The following ENOSF1 variants were observed in gnomAD, a reference collection of about 807,000 sequenced individuals.
ENOSF1 encodes mitochondrial enolase superfamily member 1.
In ENOSF1, 73 loss-of-function variants were observed where a neutral mutation model predicts 68.2. That is an observed-to-expected ratio of 1.07 (90% CI 0.89 to 1.30). The LOEUF is 1.30. ENOSF1 is among the 50% of genes most tolerant of loss of function. The pLI, the probability that ENOSF1 is intolerant of heterozygous loss-of-function variation, is 0.00. For missense variants in ENOSF1, 589 were observed against 554.5 expected (o/e 1.06, Z -0.62); for synonymous variants, 223 against 210.4 (o/e 1.06, Z -0.52).
At chr18:669,861 C>T (rs2074952714), downstream of ENOSF1, among the ~76,000 whole-genome samples, 1 of 151,718 alleles carries the variant, frequency 6.6e-6, no homozygotes, top group Admixed American at 6.6e-5. Context: ...ACTCCAGAGG[C>T]CAAGGCGAGA....
At chr18:666,894 T>G (rs2074826480), downstream of ENOSF1, among the ~76,000 whole-genome samples, 7 of 51,332 alleles carry the variant, frequency 1.4e-4, 1 homozygote, top group African/African-American at 4.0e-4. Context: ...GTTCGGGAGA[T>G]GGTGATGGAG....
intron 8 of ENOSF1, 43 bp from the exon 9 acceptor site, chr18:688,651 T>G (rs2076859882): frequency 6.3e-7 from 1 of 1,579,350 alleles, no homozygotes; most frequent in Non-Finnish European, 8.7e-7. Context: ...AGAGAGCCCC[T>G]TGGTCTGACC....
At chr18:695,892 C>T (rs1050663662) in intron 3 of ENOSF1, among the ~76,000 whole-genome samples, 1 of 152,166 alleles carries the variant, frequency 6.6e-6, no homozygotes, top group African/African-American at 2.4e-5. Context: ...GTTTAATATT[C>T]TCTGTATAAA....
chr18:678,207 A>C, intron 12 of ENOSF1: 1 of 303,074 alleles, frequency 3.3e-6, no homozygotes. Flanking sequence ...AGTGATGAGC[A>C]GGTGGCACAG....
chr18:664,524 A>T, the ENOSF1 span, among the ~76,000 whole-genome samples: 7 of 136,408 alleles, frequency 5.1e-5, 1 homozygote, highest in South Asian at 1.5e-3. Context: ...TCTCCTGCCT[A>T]ATTGCCCTGG....
intron 14 of ENOSF1, among the ~76,000 whole-genome samples, chr18:676,518 T>C (rs12959009): frequency 0.34 from 52,448 of 152,042 alleles, 9,404 homozygotes; most frequent in Middle Eastern, 0.47. Context: ...TCACCTTCCA[T>C]CATGATTGTA....
At chr18:681,389 G>C (rs950592202) in intron 11 of ENOSF1, among the ~76,000 whole-genome samples, 1 of 152,158 alleles carries the variant, frequency 6.6e-6, no homozygotes, top group Non-Finnish European at 1.5e-5. Context: ...GCAAAACCTG[G>C]GAGGGTTAGA....
chr18:709,074 G>A (rs1568149533), intron 1 of ENOSF1, among the ~76,000 whole-genome samples: 3 of 152,176 alleles, frequency 2.0e-5, no homozygotes, highest in Non-Finnish European at 4.4e-5. Context: ...AGGGAGGGGC[G>A]GCAGAGAATG....
chr18:671,568 G>A lies in ENOSF1; in HGVS notation c.*2737C>T, dbSNP rs1166292920. Reference sequence around the variant, plus strand: ...GATAAAGATGACTGCTCCAAATGTGGGGCTTCAGTTTAGGGAGAAGTGGTG... The same window carrying A: ...GATAAAGATGACTGCTCCAAATGTGAGGCTTCAGTTTAGGGAGAAGTGGTG... On this transcript the variant is annotated 3_prime_UTR_variant, in exon 16 of 16. Coordinates refer to ENST00000647584, the MANE Select transcript of ENOSF1 (RefSeq NM_017512.7). 1.3e-6 allele frequency: 1 copy of A among 762,108 alleles called. No individual in the cohort carries two copies. The highest frequency in any genetic ancestry group is 2.3e-6 in the Non-Finnish European group (1 of 441,374). The allele number at this position is 762,108 out of a possible 1,614,324, so 47.2% of individuals were successfully genotyped here. A position where few individuals can be genotyped will look rare whatever the true frequency, so the allele number is the denominator to read the frequency against.
At chr18:693,205 A>ACAGT (rs2077379588) in intron 5 of ENOSF1, 1 of 1,289,012 alleles carries the variant, frequency 7.8e-7, no homozygotes, top group South Asian at 1.2e-5. Flanking sequence ...GAGAAAGAAA[A>ACAGT]CAGTCAAGTG....
In ENOSF1 at chr18:706,730, CAAAG is replaced by C. The variant is rs534669111; in HGVS notation, c.85-156_85-153del. The C allele has an allele frequency of 7.2e-6, 4 of 553,908 alleles. No homozygotes were observed. The South Asian group carries it at 1.0e-4, about 15-fold the overall frequency. The allele number at this position is 553,908 out of a possible 1,614,324, so 34.3% of individuals were successfully genotyped here. On this transcript the variant is annotated intron_variant, in intron 1 of 15. Coordinates refer to ENST00000647584, the MANE Select transcript of ENOSF1 (RefSeq NM_017512.7). ...AACTGTTGCTATACCCCAAAGAAAA[CAAAG>C]GGCTCTGAATGGAGAAAAGGAATGT...
Position 673,451 on chromosome 18 carries a change from T to C in ENOSF1, c.*854A>G. ...AGAGTGTGGTTATGAACTTTAAAGTTATAGTTGTTTTATATGTTGCTATAA... is the reference window on the plus strand; with the variant it reads ...AGAGTGTGGTTATGAACTTTAAAGTCATAGTTGTTTTATATGTTGCTATAA... On this transcript the variant is annotated 3_prime_UTR_variant, in exon 16 of 16. Transcript: ENST00000647584. 1 of 216,430 alleles carries C rather than the reference T, an allele frequency of 4.6e-6. No individual in the cohort carries two copies. The highest frequency in any genetic ancestry group is 9.3e-6 in the Non-Finnish European group (1 of 107,876). 13.4% of individuals were successfully genotyped at this position (216,430 alleles called of 1,614,324 possible).
chr18:683,041 G>A (rs575469900), intron 11 of ENOSF1: 2 of 601,476 alleles, frequency 3.3e-6, no homozygotes, highest in Admixed American at 3.4e-5. Context: ...AAAACAAACA[G>A]AAATAAGGGC....
At position 677,810 on chromosome 18, in the gene ENOSF1, A is replaced by T. The variant is rs2075666253; in HGVS notation, c.981T>A (p.Ile327=). The T allele has an allele frequency of 6.2e-7, 1 of 1,614,076 alleles. No homozygotes were observed. The highest frequency in any genetic ancestry group is 1.3e-5 in the African/African-American group (1 of 74,934). The part of the protein sequence containing the change: ...LQAKALQFLQ[I]DSCRLGSVNE... ...TGACACTGCCCAGTCTGCAACTGTC[A>T]ATCTGGAGGAACTGCAGGGCCTTCG... The change falls in exon 13 of 16, where the codon ATT becomes ATA. Residue 327 remains isoleucine, a synonymous_variant. Coordinates refer to ENST00000647584, the MANE Select transcript of ENOSF1 (RefSeq NM_017512.7).
At chr18:676,268 TTTTGGA>T (rs1425955312) in intron 14 of ENOSF1, among the ~76,000 whole-genome samples, 2 of 152,164 alleles carry the variant, frequency 1.3e-5, no homozygotes, top group Non-Finnish European at 2.9e-5. Flanking sequence ...TTTGGATTTG[TTTTGGA>T]TTTGTGTCCC....
chr18:689,437 C>A (rs2741181), intron 8 of ENOSF1, among the ~76,000 whole-genome samples: 1 of 151,976 alleles, frequency 6.6e-6, no homozygotes, highest in African/African-American at 2.4e-5. Context: ...CGCATTACCA[C>A]GCCCAGATAA....
downstream of ENOSF1, among the ~76,000 whole-genome samples, chr18:666,215 C>T (rs370963908): frequency 4.6e-5 from 7 of 151,156 alleles, no homozygotes; most frequent in African/African-American, 1.5e-4. Context: ...ACTGTGTCAT[C>T]GGCAGATAGC....
chr18:706,820 T>TC (rs2078994504), intron 1 of ENOSF1: 1 of 159,038 alleles, frequency 6.3e-6, no homozygotes, highest in Admixed American at 6.6e-5. Flanking sequence ...TATATATTTT[T>TC]TTTTTTTTTC....
At chr18:687,261 T>C (rs2606256) in intron 9 of ENOSF1, 1 of 152,078 alleles carries the variant, frequency 6.6e-6, no homozygotes, top group African/African-American at 2.4e-5. Flanking sequence ...TGCCAACACC[T>C]CTTTCCGCGG....
Sources: gnomAD v4.1 joint callset for allele counts (sites outside exome capture counted in the v4.1 genomes callset) on GRCh38, gnomAD v4.1.1 for gene constraint, MANE v1.5 for transcripts, NCBI Gene and HGNC (gene_info 2026-07-23, HGNC 2026-07-21) for gene names.